DRG1: variants seen among roughly 807,000 people sequenced by gnomAD.
DRG1 encodes the protein developmentally regulated GTP binding protein 1, also known as developmentally-regulated GTP-binding protein 1.
A neutral mutation model predicts 38.8 loss-of-function variants in DRG1; 19 were observed. The observed-to-expected ratio is 0.49, with a 90% CI of 0.34 to 0.72. DRG1 has a LOEUF of 0.72. DRG1 is among the 30% of genes least tolerant of loss of function. The pLI is 0.01. For synonymous variants in DRG1, 167 were observed against 157.5 expected (o/e 1.06, Z -0.45); for missense variants, 299 against 444.8 (o/e 0.67, Z 2.95).
intron 5 of DRG1, among the ~76,000 whole-genome samples, chr22:31,422,084 C>T (rs1002107418): frequency 6.6e-6 from 1 of 150,762 alleles, no homozygotes; most frequent in Non-Finnish European, 1.5e-5. Flanking sequence ...GCACTCCAGC[C>T]TGGTGACAGA....
chr22:31,422,160 G>A (rs746933803), intron 5 of DRG1, among the ~76,000 whole-genome samples: 4 of 151,450 alleles, frequency 2.6e-5, no homozygotes, highest in Middle Eastern at 3.4e-3. Flanking sequence ...GGCCAGGCAC[G>A]GTGGCTTACG....
intron 1 of DRG1, 95 bp from the exon 2 acceptor site, chr22:31,400,525 T>G: frequency 6.6e-7 from 1 of 1,522,630 alleles, no homozygotes; most frequent in Non-Finnish European, 9.0e-7. Flanking sequence ...CTGGGTGTGC[T>G]AACATTAGTA....
intron 6 of DRG1, among the ~76,000 whole-genome samples, chr22:31,424,237 C>T (rs1287669596): frequency 2.6e-5 from 4 of 151,758 alleles, no homozygotes; most frequent in South Asian, 2.1e-4. Context: ...TAACCTCCTC[C>T]GCCTCCCAGG....
chr22:31,412,363 T>G (rs1400877906), intron 4 of DRG1, among the ~76,000 whole-genome samples: 1 of 148,514 alleles, frequency 6.7e-6, no homozygotes, highest in African/African-American at 2.5e-5. Context: ...TTTTTTTTTT[T>G]TTTTTGAGAT....
rs750324559 is a variant in DRG1, at chr22:31,433,961, TGAA to T, written c.1099_1101del (p.Lys367del). 6.2e-7 allele frequency: 1 copy of T among 1,613,936 alleles called. No individual in the cohort carries two copies. Among genetic ancestry groups the T allele is most frequent in the Non-Finnish European group, 8.5e-7 (1 of 1,179,832 alleles). ...GAGGATGAGGATGTCATTCAAATTG[TGAA>T]GAAGTGAAACCTTTCCCTTTTCCCA... On this transcript the variant is annotated inframe_deletion, in exon 9 of 9. Coordinates refer to ENST00000331457, the MANE Select transcript of DRG1 (RefSeq NM_004147.4).
intron 3 of DRG1, among the ~76,000 whole-genome samples, chr22:31,410,230 G>T (rs1353293599): frequency 6.6e-6 from 1 of 152,132 alleles, no homozygotes; most frequent in African/African-American, 2.4e-5. Flanking sequence ...GTCGAGGCGG[G>T]CAGATCTCGA....
intron 3 of DRG1, 100 bp downstream of exon 3, chr22:31,403,304 T>C (rs1401281133): frequency 7.9e-7 from 1 of 1,260,790 alleles, no homozygotes; most frequent in African/African-American, 1.5e-5. Flanking sequence ...ATCTTTGATC[T>C]ACCAGGCACT....
chr22:31,410,205 C>T (rs1164469036), intron 3 of DRG1, among the ~76,000 whole-genome samples: 2 of 152,070 alleles, frequency 1.3e-5, no homozygotes, highest in Non-Finnish European at 2.9e-5. Context: ...GCCTGTAATC[C>T]CAGCACTTTG....
chr22:31,431,014 G>A (rs1338390296), intron 8 of DRG1, among the ~76,000 whole-genome samples: 7 of 118,480 alleles, frequency 5.9e-5, no homozygotes, highest in Non-Finnish European at 1.0e-4. Context: ...CACTGCACCC[G>A]GCCTTCCCCC....
At chr22:31,416,154 C>T (rs1052416623) in intron 4 of DRG1, among the ~76,000 whole-genome samples, 1 of 151,968 alleles carries the variant, frequency 6.6e-6, no homozygotes, top group Non-Finnish European at 1.5e-5. Flanking sequence ...ACTAAAAATA[C>T]AAAAATTAGC....
At position 31,400,753 on chromosome 22, in the gene DRG1, C is replaced by T; in HGVS notation, c.166+10C>T. 2 of 1,608,082 alleles carry T rather than the reference C, an allele frequency of 1.2e-6. No individual in the cohort carries two copies. Among genetic ancestry groups the T allele is most frequent in the Non-Finnish European group, 8.5e-7 (1 of 1,176,822 alleles). The stretch of plus-strand genomic sequence containing the variant: ...GGAGGTCCAGGAGAAGGTTTGTGTT[C>T]TTCTTCAATATATATATTTTTAGGT... On this transcript the variant is annotated intron_variant, in intron 2 of 8. Coordinates refer to ENST00000331457, the MANE Select transcript of DRG1 (RefSeq NM_004147.4).
chr22:31,412,755 TCTCGGCTCACTGGAGC>T (rs2050024877), intron 4 of DRG1, among the ~76,000 whole-genome samples: 1 of 150,842 alleles, frequency 6.6e-6, no homozygotes, highest in Admixed American at 6.6e-5. Context: ...AGTGGTGGGA[TCTCGGCTCACTGGAGC>T]CTCGACTCCC....
chr22:31,421,056 A>T (rs2050074034), intron 5 of DRG1, among the ~76,000 whole-genome samples: 1 of 152,028 alleles, frequency 6.6e-6, no homozygotes, highest in Non-Finnish European at 1.5e-5. Context: ...AGTAGCTGGG[A>T]TTACAGGTGC....
chr22:31,429,714 A>C lies in DRG1; in HGVS notation c.1004+2532A>C, dbSNP rs555271749. On this transcript the variant is annotated intron_variant, in intron 8 of 8. Transcript: ENST00000331457. ...CAAGCCGGAGTGCAGTGGCACGATC[A>C]CAGCTCACTGTAGCCTTGATCTCAT... Among the ~76,000 whole-genome samples the C allele has an allele frequency of 2.0e-5, 3 of 151,562 alleles. No individual in the cohort carries two copies. In the South Asian group the frequency reaches 6.3e-4, roughly 32 times the overall value.
chr22:31,427,138 T>C lies in DRG1; in HGVS notation c.960T>C (p.Asp320=), dbSNP rs772642640. 3.2e-5 allele frequency: 52 copies of C among 1,614,052 alleles called. No homozygotes were observed. The highest frequency in any genetic ancestry group is 8.5e-7 in the Non-Finnish European group (1 of 1,180,016). ...VLPYSRTTVE[D]FCMKIHKNLI... is the part of the protein sequence containing the mutation. ...CTTACTCCAGGACCACAGTGGAGGA[T>C]TTCTGCATGAAGATTCACAAAAATC... is the stretch of plus-strand genomic sequence containing the variant. Residue 320 remains aspartate, a synonymous_variant, in exon 8 of 9, where the codon GAT becomes GAC. Coordinates refer to ENST00000331457, the MANE Select transcript of DRG1 (RefSeq NM_004147.4).
intron 3 of DRG1, 134 bp from the exon 4 acceptor site, chr22:31,410,878 C>T (rs945135197): frequency 8.4e-6 from 7 of 834,824 alleles, no homozygotes; most frequent in Admixed American, 8.0e-5. Context: ...TATTCACACA[C>T]TCGCTTATAA....
At chr22:31,402,957 T>G (rs1255926390) in intron 2 of DRG1, 72 bp from the exon 3 acceptor site, 1 of 1,493,708 alleles carries the variant, frequency 6.7e-7, no homozygotes, top group African/African-American at 1.4e-5. Context: ...AGTAAAAATG[T>G]GAAAGAAGTT....
rs549986553 is a variant in DRG1, at chr22:31,424,183, C to T, written c.713+773C>T. On this transcript the variant is annotated intron_variant, in intron 6 of 8. Coordinates refer to ENST00000331457, the MANE Select transcript of DRG1 (RefSeq NM_004147.4). ...TTTTTTTTTGAGACAGAGTCTTACT[C>T]TGTCACCCAGGCTGGAGTGCAATGG... is the stretch of plus-strand genomic sequence containing the variant. Among the ~76,000 whole-genome samples, 7 of 150,188 alleles carry T rather than the reference C, an allele frequency of 4.7e-5. No individual in the cohort carries two copies. In the South Asian group the frequency reaches 1.3e-3, roughly 27 times the overall value.
At chr22:31,402,217 A>G (rs2049965682) in intron 2 of DRG1, among the ~76,000 whole-genome samples, 3 of 152,126 alleles carry the variant, frequency 2.0e-5, no homozygotes, top group Admixed American at 2.0e-4. Context: ...ACTAAAAGGA[A>G]TGGCGTAAGA....
Sources: gnomAD v4.1 joint callset for allele counts (sites outside exome capture counted in the v4.1 genomes callset) on GRCh38, gnomAD v4.1.1 for gene constraint, MANE v1.5 for transcripts, NCBI Gene and HGNC (gene_info 2026-07-23, HGNC 2026-07-21) for gene names.